NEGR1: variants seen among roughly 807,000 people sequenced by gnomAD.
NEGR1 encodes IgLON family member 4.
NEGR1 carries 10 observed loss-of-function variants against 40.9 expected under a neutral mutation model. The observed-to-expected ratio is 0.24, with a 90% CI of 0.15 to 0.42. NEGR1 has a LOEUF of 0.42. NEGR1 is among the 10% of genes least tolerant of loss of function. NEGR1 has a pLI of 1.00. For synonymous variants in NEGR1, 185 were observed against 166.8 expected (o/e 1.11, Z -0.84); for missense variants, 352 against 438.9 (o/e 0.80, Z 1.77).
intron 1 of NEGR1, among the ~76,000 whole-genome samples, chr1:72,087,794 C>G (rs2100538822): frequency 7.3e-6 from 1 of 137,830 alleles, no homozygotes; most frequent in East Asian, 2.2e-4. Context: ...CAGGCTCTCA[C>G]TATGTTGCCC....
At chr1:71,465,930 A>G (rs1646742534) in intron 6 of NEGR1, among the ~76,000 whole-genome samples, 1 of 152,072 alleles carries the variant, frequency 6.6e-6, no homozygotes, top group African/African-American at 2.4e-5. Flanking sequence ...ATATTAGGAA[A>G]AATGATTATG....
intron 1 of NEGR1, among the ~76,000 whole-genome samples, chr1:72,143,055 C>G (rs959639883): frequency 6.6e-6 from 1 of 151,852 alleles, no homozygotes; most frequent in Non-Finnish European, 1.5e-5. Context: ...GTGAGCAATA[C>G]TGTTCTGATG....
intron 3 of NEGR1, among the ~76,000 whole-genome samples, chr1:71,733,013 G>A (rs1009939900): frequency 1.3e-5 from 2 of 151,166 alleles, no homozygotes; most frequent in African/African-American, 4.9e-5. Context: ...TGTGCATCGT[G>A]AGTCTCCAAG....
At chr1:72,277,432 G>A (rs576077580) in intron 1 of NEGR1, among the ~76,000 whole-genome samples, 34 of 152,260 alleles carry the variant, frequency 2.2e-4, no homozygotes, top group Admixed American at 8.5e-4. Flanking sequence ...ACACGCTTGT[G>A]TTCAAAGATC....
At chr1:71,665,138 T>C (rs929546591) in intron 4 of NEGR1, among the ~76,000 whole-genome samples, 4 of 152,322 alleles carry the variant, frequency 2.6e-5, no homozygotes, top group African/African-American at 9.6e-5. Context: ...AGGCTGGCTT[T>C]CATGTGAAAA....
At chr1:72,061,585 T>C (rs1245795028) in intron 1 of NEGR1, among the ~76,000 whole-genome samples, 2 of 151,816 alleles carry the variant, frequency 1.3e-5, no homozygotes, top group African/African-American at 4.8e-5. Flanking sequence ...ATTAATTGAA[T>C]GAAGACCACG....
At chr1:72,240,491 C>T (rs2100513096) in intron 1 of NEGR1, among the ~76,000 whole-genome samples, 1 of 151,782 alleles carries the variant, frequency 6.6e-6, no homozygotes, top group South Asian at 2.1e-4. Flanking sequence ...AAATTTTAAA[C>T]AAGATCCCAA....
At chr1:71,430,008 A>G (rs1229879879) in intron 6 of NEGR1, among the ~76,000 whole-genome samples, 1 of 152,206 alleles carries the variant, frequency 6.6e-6, no homozygotes, top group Non-Finnish European at 1.5e-5. Context: ...AAAGGTAATT[A>G]TCTCCTAGGA....
intron 2 of NEGR1, among the ~76,000 whole-genome samples, chr1:71,916,254 TTAAA>T (rs149410154): frequency 0.011 from 1,658 of 152,268 alleles, 26 homozygotes; most frequent in African/African-American, 0.038. Context: ...ATTTTAAAAG[TTAAA>T]TAAAGTATAA....
intron 4 of NEGR1, among the ~76,000 whole-genome samples, chr1:71,666,389 A>G (rs1206580348): frequency 1.3e-5 from 2 of 152,168 alleles, no homozygotes; most frequent in South Asian, 4.1e-4. Context: ...AAAAGTACCC[A>G]TCATGGAAAT....
chr1:71,843,618 G>A (rs1158136824), intron 2 of NEGR1, among the ~76,000 whole-genome samples: 1 of 152,106 alleles, frequency 6.6e-6, no homozygotes, highest in East Asian at 1.9e-4. Context: ...ACAGGAGACA[G>A]TTGATAACAA....
intron 6 of NEGR1, chr1:71,486,938 C>T (rs1202162716): frequency 1.3e-5 from 2 of 151,434 alleles, no homozygotes; most frequent in Non-Finnish European, 3.0e-5. Context: ...ACCCTGGAGA[C>T]ACTGATCAAG....
At chr1:71,703,506 G>T (rs1457075908) in intron 3 of NEGR1, 1 of 146,460 alleles carries the variant, frequency 6.8e-6, no homozygotes, top group Non-Finnish European at 1.5e-5. Flanking sequence ...AAAAAAAAAG[G>T]AAATAAGAGA....
intron 1 of NEGR1, among the ~76,000 whole-genome samples, chr1:71,964,540 C>G (rs964783232): frequency 3.9e-5 from 6 of 152,150 alleles, no homozygotes; most frequent in Non-Finnish European, 1.5e-5. Context: ...AATTTCAACC[C>G]TCAGCCATTC....
intron 1 of NEGR1, among the ~76,000 whole-genome samples, chr1:72,063,660 T>G (rs767152336): frequency 1.3e-5 from 2 of 151,968 alleles, no homozygotes; most frequent in Non-Finnish European, 2.9e-5. Context: ...TTTTCTATGA[T>G]TTGTGACCAG....
chr1:72,204,844 A>G (rs1653337561), intron 1 of NEGR1, among the ~76,000 whole-genome samples: 1 of 152,146 alleles, frequency 6.6e-6, no homozygotes, highest in African/African-American at 2.4e-5. Flanking sequence ...AAAGCCTCCA[A>G]TTCTGAATCG....
chr1:72,255,966 G>A (rs774881367), intron 1 of NEGR1, among the ~76,000 whole-genome samples: 14 of 152,276 alleles, frequency 9.2e-5, no homozygotes, highest in Non-Finnish European at 1.6e-4. Flanking sequence ...AAGTTTGTAT[G>A]TCATGTTTTA....
At chr1:71,983,712 A>T (rs1177735685) in intron 1 of NEGR1, among the ~76,000 whole-genome samples, 1 of 152,208 alleles carries the variant, frequency 6.6e-6, no homozygotes, top group African/African-American at 2.4e-5. Flanking sequence ...GAGTCTCACA[A>T]ATAGAGATTG....
chr1:71,485,603 T>A, intron 6 of NEGR1, among the ~76,000 whole-genome samples: 1 of 151,728 alleles, frequency 6.6e-6, no homozygotes, highest in East Asian at 1.9e-4. Flanking sequence ...TCTCTCCCTT[T>A]CCCCAACCCT....
Sources: gnomAD v4.1 joint callset for allele counts (sites outside exome capture counted in the v4.1 genomes callset) on GRCh38, gnomAD v4.1.1 for gene constraint, MANE v1.5 for transcripts, NCBI Gene and HGNC (gene_info 2026-07-23, HGNC 2026-07-21) for gene names.